YAE1: variants seen among roughly 807,000 people sequenced by gnomAD.
The protein encoded by YAE1 is YAE1 maturation factor of ABCE1, also known as protein YAE1 homolog.
Under a neutral mutation model 23.0 loss-of-function variants are expected in YAE1, and 22 were observed. The observed-to-expected ratio is 0.96, with a 90% CI of 0.68 to 1.37. The LOEUF (loss-of-function observed/expected upper bound fraction) is 1.37, where lower values mean the gene tolerates loss of function less well. YAE1 is among the 40% of genes most tolerant of loss of function. The probability of loss-of-function intolerance (pLI) is 0.00; values close to 1 mark genes in which losing one functional copy is unlikely to be tolerated. For synonymous variants in YAE1, 101 were observed against 97.0 expected, an observed-to-expected ratio of 1.04 and a Z score of -0.24; for missense variants, 260 against 262.1, an observed-to-expected ratio of 0.99 and a Z score of 0.06.
chr7:39,576,179 T>G (rs961598646), downstream of YAE1, among the ~76,000 whole-genome samples: 1 of 152,216 alleles, frequency 6.6e-6, no homozygotes, highest in African/African-American at 2.4e-5. Flanking sequence ...CTTTACATCT[T>G]TCAAACAGTT....
At chr7:39,593,274 T>A (rs1790928509) in intron 2 of YAE1, among the ~76,000 whole-genome samples, 1 of 138,406 alleles carries the variant, frequency 7.2e-6, no homozygotes, top group Non-Finnish European at 1.5e-5. Flanking sequence ...CACCTCTAAG[T>A]CCTGGGTTCG....
At chr7:39,590,050 CAGAACACAAGGGA>C (rs1321676008) in intron 2 of YAE1, among the ~76,000 whole-genome samples, 1 of 152,132 alleles carries the variant, frequency 6.6e-6, no homozygotes, top group Non-Finnish European at 1.5e-5. Flanking sequence ...TAGCAAAATA[CAGAACACAAGGGA>C]ATGTAATTTG....
rs113622488 is a variant in YAE1, at chr7:39,607,293, G to A, written c.252-2324G>A. ...ATGTTAGATTATATAGGAAAGGAATGAATGTTGGAAATGGAATTAAGGTTG... is the reference window on the plus strand; with the variant it reads ...ATGTTAGATTATATAGGAAAGGAATAAATGTTGGAAATGGAATTAAGGTTG... On this transcript the variant is annotated intron_variant, in intron 2 of 2. Coordinates refer to the YAE1 transcript ENST00000432096. 2.0e-5 allele frequency among the ~76,000 whole-genome samples: 3 copies of A among 152,334 alleles called. No homozygotes were observed. In the East Asian group the frequency reaches 5.8e-4, roughly 29 times the overall value.
intron 2 of YAE1, among the ~76,000 whole-genome samples, chr7:39,592,922 C>G (rs1021961042): frequency 7.9e-5 from 12 of 152,212 alleles, no homozygotes; most frequent in Non-Finnish European, 1.3e-4. Context: ...AATTTTTGGT[C>G]ATTCTCTCTC....
downstream of YAE1, among the ~76,000 whole-genome samples, chr7:39,575,055 A>G (rs530350083): frequency 1.8e-4 from 28 of 152,152 alleles, no homozygotes; most frequent in African/African-American, 6.5e-4. Flanking sequence ...CTTGCCTCAC[A>G]TGTTGTAGGT....
downstream of YAE1, among the ~76,000 whole-genome samples, chr7:39,575,330 C>A (rs1295116847): frequency 6.6e-6 from 1 of 152,116 alleles, no homozygotes; most frequent in East Asian, 1.9e-4. Flanking sequence ...GCTGAGGCCA[C>A]CAAAAATGTT....
intron 1 of YAE1, 153 bp downstream of exon 1, chr7:39,566,700 G>C (rs116390844): frequency 5.6e-6 from 6 of 1,077,850 alleles, no homozygotes; most frequent in South Asian, 5.1e-5. Context: ...AGGATTTCTC[G>C]ATGGTTACTT....
At chr7:39,567,495 CT>C (rs1790491915) in intron 1 of YAE1, among the ~76,000 whole-genome samples, 1 of 152,020 alleles carries the variant, frequency 6.6e-6, no homozygotes, top group South Asian at 2.1e-4. Context: ...CCTCTCTCTG[CT>C]TTGCCCTGTC....
chr7:39,569,691 A>G (rs368954137), intron 1 of YAE1: 20 of 703,870 alleles, frequency 2.8e-5, no homozygotes, highest in East Asian at 1.1e-4. Flanking sequence ...AATGTCTTCA[A>G]TAAAGTAGTT....
At chr7:39,601,296 C>G (rs756341956) in intron 2 of YAE1, among the ~76,000 whole-genome samples, 11 of 152,146 alleles carry the variant, frequency 7.2e-5, no homozygotes, top group Non-Finnish European at 1.2e-4. Flanking sequence ...AACAGCAGAA[C>G]AGTTTTCATT....
At position 39,572,605 on chromosome 7, in the gene YAE1, TC is replaced by T. The variant is rs1419509739; in HGVS notation, c.581del (p.Ser194Ter). 8 of 1,614,094 alleles carry T rather than the reference TC, an allele frequency of 5.0e-6. No homozygotes were observed. Among genetic ancestry groups the T allele is most frequent in the Non-Finnish European group, 6.8e-6 (8 of 1,179,950 alleles). ...TTGTAGAACACAGGAGCATGCACAT[TC>T]AGAAAACCCAAGCCCCACATGGATT... ...ECCRTQEHAH[S>X]ENPSPTWILE... is the part of the protein sequence containing the mutation. On this transcript the variant is annotated frameshift_variant, in exon 3 of 3. Coordinates refer to ENST00000223273, the MANE Select transcript of YAE1 (RefSeq NM_020192.5). LOFTEE classifies it high-confidence loss of function.
At chr7:39,575,484 C>T (rs1376919385), downstream of YAE1, among the ~76,000 whole-genome samples, 2 of 150,586 alleles carry the variant, frequency 1.3e-5, no homozygotes, top group East Asian at 3.9e-4. Context: ...CTACCCTCTT[C>T]CAACTAAGGT....
chr7:39,569,016 A>G (rs532862830), intron 1 of YAE1, among the ~76,000 whole-genome samples: 2 of 152,344 alleles, frequency 1.3e-5, no homozygotes, highest in East Asian at 3.9e-4. Context: ...AAATTATATC[A>G]AATGAGAAAT....
intron 2 of YAE1, among the ~76,000 whole-genome samples, chr7:39,598,624 A>C (rs1791011334): frequency 6.6e-6 from 1 of 151,694 alleles, no homozygotes; most frequent in South Asian, 2.1e-4. Flanking sequence ...CAAAAATACA[A>C]AAATTAGCCG....
At chr7:39,580,320 G>A (rs1562591740) in intron 2 of YAE1, among the ~76,000 whole-genome samples, 1 of 152,212 alleles carries the variant, frequency 6.6e-6, no homozygotes, top group Non-Finnish European at 1.5e-5. Flanking sequence ...AAGGAAGGGT[G>A]TTAGCTCACC....
rs1173150511 is a variant in YAE1 at position 39,572,764 on chromosome 7, C to T, written c.*58C>T. The T allele has an allele frequency of 6.6e-7, 1 of 1,512,524 alleles. No homozygotes were observed. The highest frequency in any genetic ancestry group is 8.8e-7 in the Non-Finnish European group (1 of 1,136,010). The allele number at this position is 1,512,524 out of a possible 1,614,324, so 93.7% of individuals were successfully genotyped here. ...TCAGAACATTTGGTTTCCTAACAAT[C>T]GAAATTTGTACTGGTTTCTGCATCA... On this transcript the variant is annotated 3_prime_UTR_variant, in exon 3 of 3. Coordinates refer to ENST00000223273, the MANE Select transcript of YAE1 (RefSeq NM_020192.5).
chr7:39,586,766 G>A (rs944927382), intron 2 of YAE1, among the ~76,000 whole-genome samples: 1 of 152,190 alleles, frequency 6.6e-6, no homozygotes, highest in African/African-American at 2.4e-5. Context: ...CAAAGTGCTG[G>A]GATTACAGGC....
At chr7:39,575,942 T>C, downstream of YAE1, among the ~76,000 whole-genome samples, 1 of 152,202 alleles carries the variant, frequency 6.6e-6, no homozygotes, top group Non-Finnish European at 1.5e-5. Context: ...AACAGCACTT[T>C]TTCTTGTCCG....
chr7:39,607,947 G>A (rs1006383042), intron 2 of YAE1, among the ~76,000 whole-genome samples: 17 of 152,346 alleles, frequency 1.1e-4, no homozygotes, highest in African/African-American at 4.1e-4. Context: ...GGGATTACAG[G>A]AGTGAGCCAG....
Sources: allele counts gnomAD v4.1 joint callset (sites outside exome capture counted in the v4.1 genomes callset), GRCh38; gene constraint gnomAD v4.1.1; transcripts MANE v1.5; gene names NCBI Gene and HGNC (gene_info 2026-07-23, HGNC 2026-07-21).